Variants in CCR3 observed in about 807,000 individuals in gnomAD.
CCR3 encodes C-C motif chemokine receptor 3, also known as C-C chemokine receptor type 3.
For missense variants in CCR3, 419 were observed against 437.5 expected, an observed-to-expected ratio of 0.96 and a Z score of 0.38; for synonymous variants, 203 against 179.2, an observed-to-expected ratio of 1.13 and a Z score of -1.06.
intron 1 of CCR3, among the ~76,000 whole-genome samples, chr3:46,252,696 G>T (rs1205407907): frequency 6.6e-6 from 1 of 152,116 alleles, no homozygotes; most frequent in African/African-American, 2.4e-5. Context: ...AAACAAGAAG[G>T]GATAGCTGGT....
rs1047046818 is a variant in CCR3 at position 46,229,990 on chromosome 3, C to T, written c.-67-12412C>T. 2.6e-5 allele frequency among the ~76,000 whole-genome samples: 4 copies of T among 152,218 alleles called. No individual in the cohort carries two copies. In the East Asian group the frequency reaches 7.7e-4, roughly 29 times the overall value. Reference sequence around the variant, plus strand: ...TGGACTCAGGAGCATTAGGTTATGCCTCAGAGTCTATTCTGACACAAGACA... The same window carrying T: ...TGGACTCAGGAGCATTAGGTTATGCTTCAGAGTCTATTCTGACACAAGACA... On this transcript the variant is annotated intron_variant, in intron 2 of 3. Coordinates refer to the CCR3 transcript ENST00000357422.
Position 46,265,945 on chromosome 3 carries a change from T to G in CCR3, c.787T>G (p.Ser263Ala). 1 of 1,614,128 alleles carries G rather than the reference T, an allele frequency of 6.2e-7. No homozygotes were observed. Among genetic ancestry groups the G allele is most frequent in the Non-Finnish European group, 8.5e-7 (1 of 1,180,014 alleles). The change falls in exon 2 of 2, where the codon TCC (serine) becomes GCC (alanine). Residue 263 changes from serine to alanine, a missense_variant. Ser to Ala is a moderately conservative substitution (Grantham distance 99). Transcript: ENST00000395940. Reference sequence around the variant, plus strand: ...CTACAATGTGGCTATCCTTCTCTCTTCCTATCAATCCATCTTATTTGGAAA... The same window carrying G: ...CTACAATGTGGCTATCCTTCTCTCTGCCTATCAATCCATCTTATTTGGAAA... ...TPYNVAILLS[S>A]YQSILFGNDC... is the part of the protein sequence containing the mutation.
intron 1 of CCR3, chr3:46,263,703 TG>T (rs1700567553): frequency 6.6e-6 from 1 of 152,232 alleles, no homozygotes; most frequent in African/African-American, 2.4e-5. Flanking sequence ...CAACCCCAAG[TG>T]ACCCAATGGT....
At chr3:46,264,341 T>G (rs1700578572) in intron 1 of CCR3, 2 of 1,057,148 alleles carry the variant, frequency 1.9e-6, no homozygotes, top group Admixed American at 2.0e-5. Context: ...AGTTAATTAC[T>G]GTGATTGTAC....
intron 1 of CCR3, among the ~76,000 whole-genome samples, chr3:46,259,592 C>T (rs1700486483): frequency 1.3e-5 from 2 of 152,036 alleles, no homozygotes; most frequent in South Asian, 4.1e-4. Flanking sequence ...GCAGTTCTTC[C>T]CATGCAATGT....
rs76697067 is a variant in CCR3, at chr3:46,235,227, C to T, written c.-67-7175C>T. Among the ~76,000 whole-genome samples, 217 of 152,260 alleles carry T rather than the reference C, an allele frequency of 1.4e-3. 7 individuals carry two copies. The East Asian group carries it at 0.041, about 29-fold the overall frequency. On this transcript the variant is annotated intron_variant, in intron 2 of 3. Transcript: ENST00000357422. Reference sequence around the variant, plus strand: ...CCCATATCTTAACTTGCTCAGATCCCAGACAATAAAGGGGGCAGGGGACAG... The same window carrying T: ...CCCATATCTTAACTTGCTCAGATCCTAGACAATAAAGGGGGCAGGGGACAG...
Position 46,233,021 on chromosome 3 carries a change from C to T in CCR3, c.-67-9381C>T, listed in dbSNP as rs533223850. Among the ~76,000 whole-genome samples the T allele has an allele frequency of 7.6e-4, 115 of 152,284 alleles. 1 individual carries two copies. Among genetic ancestry groups the T allele is most frequent in the Non-Finnish European group, 1.3e-4 (9 of 68,012 alleles). On this transcript the variant is annotated intron_variant, in intron 2 of 3. Transcript: ENST00000357422. ...CTAATTTTTGTATTTTTCGTAGAGACGGGGTTTCACCATGTTGGCCAGGCT... is the reference window on the plus strand; with the variant it reads ...CTAATTTTTGTATTTTTCGTAGAGATGGGGTTTCACCATGTTGGCCAGGCT...
intron 1 of CCR3, among the ~76,000 whole-genome samples, chr3:46,257,030 AT>A (rs1393963718): frequency 6.6e-5 from 10 of 150,448 alleles, no homozygotes; most frequent in Admixed American, 6.6e-5. Context: ...GCAAAAAAAA[AT>A]TGCATAAAAC....
At chr3:46,252,300 C>T (rs140328554) in intron 1 of CCR3, among the ~76,000 whole-genome samples, 15 of 151,386 alleles carry the variant, frequency 9.9e-5, no homozygotes, top group African/African-American at 2.9e-4. Context: ...CTCAGCCTCC[C>T]GAGTAGCTGG....
intron 2 of CCR3, among the ~76,000 whole-genome samples, chr3:46,225,374 A>C (rs1385084944): frequency 6.6e-6 from 1 of 152,178 alleles, no homozygotes; most frequent in African/African-American, 2.4e-5. Context: ...AACATTTTTT[A>C]GGTAAATTGT....
chr3:46,226,794 T>G (rs893099738), intron 2 of CCR3, among the ~76,000 whole-genome samples: 1 of 152,008 alleles, frequency 6.6e-6, no homozygotes, highest in African/African-American at 2.4e-5. Flanking sequence ...TAAATGCTGT[T>G]TATCAAGTTG....
At chr3:46,257,021 C>CA (rs35365421) in intron 1 of CCR3, among the ~76,000 whole-genome samples, 14 of 150,776 alleles carry the variant, frequency 9.3e-5, no homozygotes, top group South Asian at 4.2e-4. Flanking sequence ...GTCAAATTTG[C>CA]AAAAAAAAAT....
chr3:46,230,963 C>G (rs895797678), intron 2 of CCR3, among the ~76,000 whole-genome samples: 18 of 152,248 alleles, frequency 1.2e-4, no homozygotes, highest in Admixed American at 1.1e-3. Flanking sequence ...CTCGCTCTGT[C>G]GTCCAGGCTG....
chr3:46,228,728 A>G (rs2125924789), intron 2 of CCR3, among the ~76,000 whole-genome samples: 1 of 152,372 alleles, frequency 6.6e-6, no homozygotes, highest in African/African-American at 2.4e-5. Context: ...CTGTACAAAC[A>G]TGGTGGGTCA....
At chr3:46,259,806 TTC>T (rs1700489743) in intron 1 of CCR3, among the ~76,000 whole-genome samples, 1 of 152,238 alleles carries the variant, frequency 6.6e-6, no homozygotes. Flanking sequence ...AGGATCATAG[TTC>T]ACTGTGAAAC....
At chr3:46,211,756 C>T (rs1699718025) in intron 2 of CCR3, among the ~76,000 whole-genome samples, 1 of 152,116 alleles carries the variant, frequency 6.6e-6, no homozygotes, top group South Asian at 2.1e-4. Flanking sequence ...TTTTTTTACA[C>T]TGGTGAGTGA....
At chr3:46,262,609 A>G (rs1379992065) in intron 1 of CCR3, among the ~76,000 whole-genome samples, 1 of 152,136 alleles carries the variant, frequency 6.6e-6, no homozygotes, top group African/African-American at 2.4e-5. Context: ...CTGGGTAGAC[A>G]GGTGAAAACC....
chr3:46,224,790 A>G (rs1017231224), intron 2 of CCR3, among the ~76,000 whole-genome samples: 1 of 151,784 alleles, frequency 6.6e-6, no homozygotes, highest in Non-Finnish European at 1.5e-5. Flanking sequence ...CTGACAATAG[A>G]CAATACCAAG....
intron 2 of CCR3, among the ~76,000 whole-genome samples, chr3:46,236,060 A>C (rs1179571786): frequency 6.6e-6 from 1 of 152,200 alleles, no homozygotes; most frequent in Non-Finnish European, 1.5e-5. Flanking sequence ...TATATTGATT[A>C]AGTATACTAT....
Sources: gnomAD v4.1 joint callset for allele counts (sites outside exome capture counted in the v4.1 genomes callset) on GRCh38, gnomAD v4.1.1 for gene constraint, MANE v1.5 for transcripts, NCBI Gene and HGNC (gene_info 2026-07-23, HGNC 2026-07-21) for gene names.